Variants in MSRA observed in about 807,000 individuals in gnomAD.
The protein encoded by MSRA is methionine sulfoxide reductase A.
MSRA carries 54 observed loss-of-function variants against 31.3 expected under a neutral mutation model. The observed-to-expected ratio is 1.73, with a 90% confidence interval of 1.39 to 2.17. MSRA has a LOEUF of 2.17. MSRA is among the 30% of genes most tolerant of loss of function. The pLI, the probability that MSRA is intolerant of heterozygous loss-of-function variation, is 0.00. For synonymous variants in MSRA, 169 were observed against 116.5 expected, an observed-to-expected ratio of 1.45 and a Z score of -2.90; for missense variants, 507 against 300.9, an observed-to-expected ratio of 1.69 and a Z score of -5.07.
chr8:10,302,060 T>A (rs1800878187), intron 4 of MSRA, among the ~76,000 whole-genome samples: 1 of 152,196 alleles, frequency 6.6e-6, no homozygotes, highest in African/African-American at 2.4e-5. Context: ...TCAGGTTGGA[T>A]TTTTTTAAAA....
At chr8:10,186,841 A>G (rs900471779) in intron 1 of MSRA, among the ~76,000 whole-genome samples, 2 of 152,094 alleles carry the variant, frequency 1.3e-5, no homozygotes, top group Non-Finnish European at 2.9e-5. Context: ...TTTAAAACCT[A>G]TATGTCATTT....
chr8:10,094,207 T>C (rs1436803361), intron 1 of MSRA, among the ~76,000 whole-genome samples: 3 of 152,234 alleles, frequency 2.0e-5, no homozygotes, highest in Non-Finnish European at 4.4e-5. Context: ...CTATCAACTT[T>C]ATGGTTCAGT....
rs1801606199 is a variant in MSRA at position 10,314,489 on chromosome 8, G to C, written c.437-5394G>C. On this transcript the variant is annotated intron_variant, in intron 4 of 5. Coordinates refer to ENST00000317173, the MANE Select transcript of MSRA (RefSeq NM_012331.5). Reference sequence around the variant, plus strand: ...GCAGACTGACAAAAAGTGAAAATCTGACATTAGCAGACTTTAATGAATTGG... The same window carrying C: ...GCAGACTGACAAAAAGTGAAAATCTCACATTAGCAGACTTTAATGAATTGG... Among the ~76,000 whole-genome samples, 4 of 152,160 alleles carry C rather than the reference G, an allele frequency of 2.6e-5. No individual in the cohort carries two copies. In the South Asian group the frequency reaches 6.2e-4, roughly 24 times the overall value.
chr8:10,057,307 G>A (rs1802430969), intron 1 of MSRA, among the ~76,000 whole-genome samples: 1 of 152,156 alleles, frequency 6.6e-6, no homozygotes, highest in Admixed American at 6.5e-5. Context: ...GTCTCATTGT[G>A]CTTCAGTGCC....
chr8:10,406,901 A>G (rs765240134), intron 5 of MSRA, among the ~76,000 whole-genome samples: 1 of 152,218 alleles, frequency 6.6e-6, no homozygotes, highest in Non-Finnish European at 1.5e-5. Flanking sequence ...CAACCAGGCT[A>G]GAGTGCAGTG....
intron 5 of MSRA, chr8:10,337,639 A>G (rs909734181): frequency 1.5e-6 from 1 of 685,024 alleles, no homozygotes; most frequent in Non-Finnish European, 2.7e-6. Flanking sequence ...ATATTGTCAC[A>G]TTTTCCTTGA....
intron 2 of MSRA, among the ~76,000 whole-genome samples, chr8:10,213,287 A>G (rs1450343045): frequency 6.6e-6 from 1 of 152,080 alleles, no homozygotes; most frequent in Non-Finnish European, 1.5e-5. Context: ...AATAAGTGAG[A>G]ACATGTGATG....
intron 1 of MSRA, among the ~76,000 whole-genome samples, chr8:10,069,382 T>C (rs1041578343): frequency 6.6e-6 from 1 of 152,210 alleles, no homozygotes; most frequent in African/African-American, 2.4e-5. Flanking sequence ...AGGTATGATA[T>C]TAGCTCTGGA....
chr8:10,306,528 A>G (rs1168409033), intron 4 of MSRA, among the ~76,000 whole-genome samples: 2 of 150,910 alleles, frequency 1.3e-5, no homozygotes, highest in African/African-American at 4.9e-5. Context: ...CATTGGTTGG[A>G]AAGAGTTCAG....
chr8:10,139,821 G>C (rs374728400), intron 1 of MSRA, among the ~76,000 whole-genome samples: 10 of 152,142 alleles, frequency 6.6e-5, no homozygotes, highest in African/African-American at 2.4e-4. Context: ...ATAGTGATTG[G>C]CACAGGTGTT....
chr8:10,394,365 T>G (rs1241056155), intron 5 of MSRA, among the ~76,000 whole-genome samples: 2 of 152,220 alleles, frequency 1.3e-5, no homozygotes, highest in African/African-American at 4.8e-5. Flanking sequence ...CAGAGTTCCC[T>G]AGCCACCCCA....
chr8:10,188,375 C>A (rs946615671), intron 1 of MSRA, among the ~76,000 whole-genome samples: 3 of 152,174 alleles, frequency 2.0e-5, no homozygotes, highest in African/African-American at 7.2e-5. Flanking sequence ...CAGTCACATT[C>A]CTCTCATAAG....
chr8:10,335,218 C>A (rs940400164), intron 5 of MSRA, among the ~76,000 whole-genome samples: 1 of 145,398 alleles, frequency 6.9e-6, no homozygotes, highest in African/African-American at 2.6e-5. Context: ...AGTGAGCCAC[C>A]TTTTCCTTCA....
At chr8:10,211,667 C>G (rs1252610393) in intron 2 of MSRA, among the ~76,000 whole-genome samples, 1 of 152,152 alleles carries the variant, frequency 6.6e-6, no homozygotes, top group Non-Finnish European at 1.5e-5. Context: ...GGCAGACAAA[C>G]TGAGGCACCC....
At chr8:10,368,948 T>C (rs1805322112) in intron 5 of MSRA, among the ~76,000 whole-genome samples, 1 of 152,134 alleles carries the variant, frequency 6.6e-6, no homozygotes, top group Non-Finnish European at 1.5e-5. Flanking sequence ...GAAAATGAAA[T>C]TCTTGTGGTT....
intron 3 of MSRA, among the ~76,000 whole-genome samples, chr8:10,296,463 C>T (rs561217073): frequency 6.6e-6 from 1 of 152,240 alleles, no homozygotes; most frequent in South Asian, 2.1e-4. Flanking sequence ...ATTTTATTCC[C>T]ATCTAAAAAA....
intron 3 of MSRA, among the ~76,000 whole-genome samples, chr8:10,270,223 C>T (rs555493915): frequency 8.6e-5 from 13 of 151,956 alleles, no homozygotes; most frequent in African/African-American, 2.7e-4. Flanking sequence ...ACTTATATAC[C>T]GGATTCTGTT....
At chr8:10,412,093 G>C (rs1808191720) in intron 5 of MSRA, among the ~76,000 whole-genome samples, 1 of 152,254 alleles carries the variant, frequency 6.6e-6, no homozygotes, top group Admixed American at 6.5e-5. Flanking sequence ...CTTTAGGCAA[G>C]GGCCGTATTA....
intron 5 of MSRA, among the ~76,000 whole-genome samples, chr8:10,339,471 T>C (rs1031191465): frequency 1.3e-5 from 2 of 152,118 alleles, no homozygotes; most frequent in Admixed American, 1.3e-4. Context: ...GTCCTGTTCT[T>C]CGTGGTCAGG....
Sources: gnomAD v4.1 joint callset for allele counts (sites outside exome capture counted in the v4.1 genomes callset) on GRCh38, gnomAD v4.1.1 for gene constraint, MANE v1.5 for transcripts, NCBI Gene and HGNC (gene_info 2026-07-23, HGNC 2026-07-21) for gene names.